Variants in RGS12 observed in about 807,000 individuals in gnomAD.
RGS12 encodes regulator of G-protein signaling 12.
RGS12 carries 66 observed loss-of-function variants against 120.1 expected under a neutral mutation model. That is an observed-to-expected ratio of 0.55 (90% CI 0.45 to 0.67). RGS12 has a LOEUF of 0.67. Among genes scored for constraint, RGS12 ranks in the 30% least tolerant of loss-of-function variants. The pLI, the probability that RGS12 is intolerant of heterozygous loss-of-function variation, is 0.00. For synonymous variants in RGS12, 827 were observed against 804.7 expected (o/e 1.03, Z -0.47); for missense variants, 1,859 against 1,957.7 (o/e 0.95, Z 0.95).
At chr4:3,379,012 TGTGTGTGTG>T (rs1427416991) in intron 3 of RGS12, among the ~76,000 whole-genome samples, 1 of 85,762 alleles carries the variant, frequency 1.2e-5, no homozygotes, top group Non-Finnish European at 3.0e-5. Context: ...GCGATGTGTG[TGTGTGTGTG>T]TGTGTGTGTG....
rs138395359 is a variant in RGS12 at position 3,389,733 on chromosome 4, G to A, written c.2020+3296G>A. Among the ~76,000 whole-genome samples, 10 of 152,340 alleles carry A rather than the reference G, an allele frequency of 6.6e-5. No homozygotes were observed. The highest frequency in any genetic ancestry group is 1.9e-4 in the East Asian group (1 of 5,186). On this transcript the variant is annotated intron_variant, in intron 4 of 17. Transcript: ENST00000336727. This position sits in a 1 kb window ranked among gnomAD's most constrained non-coding sequence, Gnocchi z 5.2. ...AGAGCGCCCACCTCCTCCTGCGTAC[G>A]GCGTCTGTGCCAGCAGGAAAGCCGG... is the stretch of plus-strand genomic sequence containing the variant.
At chr4:3,342,372 T>G in intron 2 of RGS12, 2 of 1,216,366 alleles carry the variant, frequency 1.6e-6, no homozygotes, top group Non-Finnish European at 2.1e-6. Context: ...GAATTAATTC[T>G]GGTCATTTCC....
At chr4:3,357,436 G>A (rs536202182) in intron 3 of RGS12, among the ~76,000 whole-genome samples, 1 of 152,118 alleles carries the variant, frequency 6.6e-6, no homozygotes, top group Non-Finnish European at 1.5e-5. Context: ...TGATATCCAG[G>A]AAATCATTGC....
At chr4:3,287,486 C>T in the RGS12 span, among the ~76,000 whole-genome samples, 1 of 152,232 alleles carries the variant, frequency 6.6e-6, no homozygotes, top group African/African-American at 2.4e-5. Flanking sequence ...GAGGGGTTCA[C>T]GCCACACACG....
chr4:3,342,982 C>A lies in RGS12; in HGVS notation c.1927C>A (p.Arg643Ser), dbSNP rs778847850. 6.2e-7 allele frequency: 1 copy of A among 1,613,884 alleles called. No homozygotes were observed. The highest frequency in any genetic ancestry group is 8.5e-7 in the Non-Finnish European group (1 of 1,179,966). Residue 643 changes from arginine (R) to serine (S), a missense_variant, in exon 3 of 18, where the codon CGC becomes AGC. This residue lies in a region of RGS12 where 967 missense variants were observed against 994.2 expected (regional missense o/e 0.97). Coordinates refer to ENST00000336727, the MANE Select transcript of RGS12 (RefSeq NM_001394154.1). ...RGTGLTQPSQ[R>S]TSARRSFGRS... is the part of the protein sequence containing the mutation. ...AACTGGACTCACTCAGCCTTCTCAA[C>A]GCACGTCTGCTCGGAGATCATTTGG... is the stretch of plus-strand genomic sequence containing the variant.
At chr4:3,342,475 C>CT in intron 2 of RGS12, 1 of 1,288,918 alleles carries the variant, frequency 7.8e-7, no homozygotes, top group Non-Finnish European at 1.0e-6. Flanking sequence ...CTTAGGGATT[C>CT]TTTCATTTCC....
intron 3 of RGS12, among the ~76,000 whole-genome samples, chr4:3,373,558 C>T (rs565102835): frequency 9.8e-5 from 15 of 152,344 alleles, no homozygotes; most frequent in African/African-American, 2.9e-4. Flanking sequence ...TGTCACTGAC[C>T]GCGTCTCTTA....
In RGS12 at chr4:3,315,519, T is replaced by C. The variant is rs562663116; in HGVS notation, c.-101-551T>C. The stretch of plus-strand genomic sequence containing the variant: ...TTCAAAATAAATTAATGTGGGAGGG[T>C]CATGGAATATTAGGTGACCCCTCTC... On this transcript the variant is annotated intron_variant, in intron 1 of 17. Coordinates refer to ENST00000336727, the MANE Select transcript of RGS12 (RefSeq NM_001394154.1). 2.6e-5 allele frequency among the ~76,000 whole-genome samples: 4 copies of C among 152,128 alleles called. No individual in the cohort carries two copies. The South Asian group carries it at 8.3e-4, about 32-fold the overall frequency.
At chr4:3,341,814 AG>A (rs1253435413) in intron 2 of RGS12, among the ~76,000 whole-genome samples, 1 of 63,366 alleles carries the variant, frequency 1.6e-5, no homozygotes, top group African/African-American at 6.6e-5. Flanking sequence ...TGTGGACAGA[AG>A]GGAGGGTGGA....
At chr4:3,288,454 T>C (rs764894787), upstream of RGS12, among the ~76,000 whole-genome samples, 2 of 152,152 alleles carry the variant, frequency 1.3e-5, no homozygotes, top group Admixed American at 6.5e-5. This position sits in a 1 kb window ranked among gnomAD's most constrained non-coding sequence, Gnocchi z 5.2. Flanking sequence ...CCCCATGCTT[T>C]GGGGCCAGGA....
chr4:3,436,843 C>T (rs753039367), intron 17 of RGS12, among the ~76,000 whole-genome samples: 15 of 152,218 alleles, frequency 9.9e-5, no homozygotes, highest in African/African-American at 1.4e-4. Flanking sequence ...GAAGGCTGGA[C>T]AGCACAGTCG....
chr4:3,423,737 A>G, intron 13 of RGS12, 96 bp downstream of exon 13: 1 of 1,445,470 alleles, frequency 6.9e-7, no homozygotes, highest in South Asian at 1.3e-5. Flanking sequence ...CACACCAAGA[A>G]GCGGTGTCTT....
chr4:3,374,944 G>A lies in RGS12; in HGVS notation c.1999-11472G>A, dbSNP rs1717477522. ...TACATCCAGCATCTCAGGATGGCTC[G>A]CCACGTCATGGGGGCTCAGCAGATG... On this transcript the variant is annotated intron_variant, in intron 3 of 17. Transcript: ENST00000336727. The surrounding 1 kb of genome is among the most constrained non-coding windows in gnomAD (Gnocchi z 6.3). 6.6e-6 allele frequency among the ~76,000 whole-genome samples: 1 copy of A among 152,152 alleles called. No individual in the cohort carries two copies. The highest frequency in any genetic ancestry group is 2.1e-4 in the South Asian group (1 of 4,830).
In RGS12 at chr4:3,377,081, G is replaced by A. The variant is rs541903292; in HGVS notation, c.1999-9335G>A. ...GGCTGGAGTGCAGTGGTGTGATCACGGCTCACTGCAGCCTTGATTTTCTTC... is the reference window on the plus strand; with the variant it reads ...GGCTGGAGTGCAGTGGTGTGATCACAGCTCACTGCAGCCTTGATTTTCTTC... On this transcript the variant is annotated intron_variant, in intron 3 of 17. Transcript: ENST00000336727. Among the ~76,000 whole-genome samples, 19 of 150,584 alleles carry A rather than the reference G, an allele frequency of 1.3e-4. No individual in the cohort carries two copies. The East Asian group carries it at 3.1e-3, about 25-fold the overall frequency.
At chr4:3,362,900 TGTGA>T (rs1434467300) in intron 3 of RGS12, among the ~76,000 whole-genome samples, 3 of 144,144 alleles carry the variant, frequency 2.1e-5, no homozygotes, top group African/African-American at 7.8e-5. Flanking sequence ...TGTGCATCAG[TGTGA>T]GTGTGCATGG....
intron 2 of RGS12, among the ~76,000 whole-genome samples, chr4:3,335,886 T>G (rs1712404435): frequency 6.6e-6 from 1 of 152,134 alleles, no homozygotes; most frequent in South Asian, 2.1e-4. Flanking sequence ...GGTCAGGAGT[T>G]CGAGACCAGC....
chr4:3,384,080 T>C (rs928620234), intron 3 of RGS12, among the ~76,000 whole-genome samples: 1 of 152,240 alleles, frequency 6.6e-6, no homozygotes, highest in Non-Finnish European at 1.5e-5. Context: ...TCAGATCTTA[T>C]TGACAGCATT....
At chr4:3,430,005 G>C (rs1724082668) in intron 16 of RGS12, among the ~76,000 whole-genome samples, 1 of 152,216 alleles carries the variant, frequency 6.6e-6, no homozygotes, top group South Asian at 2.1e-4. Flanking sequence ...GGGTGCTTCA[G>C]ATGCTGACCA....
rs565826075 is a variant in RGS12, at chr4:3,355,133, A to T, written c.1998+12080A>T. 1.3e-4 allele frequency among the ~76,000 whole-genome samples: 20 copies of T among 152,360 alleles called. No homozygotes were observed. In the South Asian group the frequency reaches 4.1e-3, roughly 32 times the overall value. The stretch of plus-strand genomic sequence containing the variant: ...TTGTTTCAAGGACACACTATTTTTT[A>T]ACATTTGAAAATGAATCAATTTAAC... On this transcript the variant is annotated intron_variant, in intron 3 of 17. Coordinates refer to ENST00000336727, the MANE Select transcript of RGS12 (RefSeq NM_001394154.1).
Sources: gnomAD v4.1 joint callset for allele counts (sites outside exome capture counted in the v4.1 genomes callset) on GRCh38, gnomAD v4.1.1 for gene constraint, gnomAD v4.1.1 regional missense constraint, Gnocchi (gnomAD v3.1) non-coding constraint, MANE v1.5 for transcripts, NCBI Gene and HGNC (gene_info 2026-07-23, HGNC 2026-07-21) for gene names.